FAM168A: variants seen among roughly 807,000 people sequenced by gnomAD.
FAM168A encodes protein FAM168A.
A neutral mutation model predicts 28.5 loss-of-function variants in FAM168A; 3 were observed. The ratio of observed to expected loss-of-function variants is 0.11; its 90% CI spans 0.05 to 0.27. The LOEUF is 0.27. Ranked by LOEUF, FAM168A falls within the 10% of genes least tolerant of loss-of-function variation. The pLI, the probability that FAM168A is intolerant of heterozygous loss-of-function variation, is 1.00. For missense variants in FAM168A, 222 were observed against 311.5 expected (o/e 0.71, Z 2.16); for synonymous variants, 122 against 124.2 (o/e 0.98, Z 0.12).
intron 1 of FAM168A, among the ~76,000 whole-genome samples, chr11:73,468,843 G>A (rs986106184): frequency 5.3e-5 from 8 of 152,178 alleles, no homozygotes; most frequent in African/African-American, 1.7e-4. Context: ...TCAATGTCCT[G>A]ATATAAAATG....
rs530480916 is a variant in FAM168A at position 73,548,462 on chromosome 11, C to G, written c.-19+49461G>C. 1.1e-4 allele frequency among the ~76,000 whole-genome samples: 17 copies of G among 152,216 alleles called. No homozygotes were observed. The South Asian group carries it at 3.5e-3, about 32-fold the overall frequency. On this transcript the variant is annotated intron_variant, in intron 1 of 7. Coordinates refer to ENST00000356467, the MANE Select transcript of FAM168A (RefSeq NM_015159.3). ...AAAAGTCAAATCACTTGCTCAAGAT[C>G]AAACAGCCAGGGGCTCCAAGACAGT...
intron 2 of FAM168A, among the ~76,000 whole-genome samples, chr11:73,446,441 T>C (rs1273259039): frequency 6.6e-6 from 1 of 151,998 alleles, no homozygotes; most frequent in Non-Finnish European, 1.5e-5. Flanking sequence ...GCCCAAGAAC[T>C]AGAAAAAAGA....
intron 1 of FAM168A, among the ~76,000 whole-genome samples, chr11:73,482,982 T>G (rs184953997): frequency 4.5e-4 from 69 of 152,220 alleles, no homozygotes; most frequent in African/African-American, 1.7e-3. Flanking sequence ...TCAGGTGATC[T>G]GCCCACCTCA....
intron 2 of FAM168A, among the ~76,000 whole-genome samples, chr11:73,436,268 GA>G (rs1867084347): frequency 6.6e-6 from 1 of 152,126 alleles, no homozygotes; most frequent in Non-Finnish European, 1.5e-5. Context: ...GATTAATATG[GA>G]AATTAGAAAT....
At chr11:73,554,022 T>A (rs1221422725) in intron 1 of FAM168A, among the ~76,000 whole-genome samples, 1 of 150,522 alleles carries the variant, frequency 6.6e-6, no homozygotes, top group Non-Finnish European at 1.5e-5. Flanking sequence ...AAAATAAAAA[T>A]AAATTATACC....
intron 1 of FAM168A, among the ~76,000 whole-genome samples, chr11:73,500,256 C>CTTTTT (rs57040993): frequency 2.4e-5 from 3 of 122,596 alleles, no homozygotes; most frequent in Non-Finnish European, 5.1e-5. Flanking sequence ...CCCAGAATTC[C>CTTTTT]TTTTTTTTTT....
At chr11:73,507,846 T>A (rs1703289868) in intron 1 of FAM168A, among the ~76,000 whole-genome samples, 1 of 152,040 alleles carries the variant, frequency 6.6e-6, no homozygotes, top group Non-Finnish European at 1.5e-5. Context: ...CAACTTTTCA[T>A]AATCAAGGTC....
At chr11:73,422,291 T>C (rs1033935666) in intron 3 of FAM168A, among the ~76,000 whole-genome samples, 1 of 152,258 alleles carries the variant, frequency 6.6e-6, no homozygotes, top group African/African-American at 2.4e-5. Flanking sequence ...CTATACTGTA[T>C]ATTTTTCTGA....
chr11:73,590,423 T>C (rs191832522), intron 1 of FAM168A, among the ~76,000 whole-genome samples: 1 of 152,170 alleles, frequency 6.6e-6, no homozygotes, highest in Non-Finnish European at 1.5e-5. Context: ...ACCAAAATGT[T>C]TGAGAAACTG....
intron 2 of FAM168A, among the ~76,000 whole-genome samples, chr11:73,455,678 A>C (rs1324978138): frequency 6.6e-6 from 1 of 152,238 alleles, no homozygotes; most frequent in Admixed American, 6.5e-5. Context: ...TAAAACTGGT[A>C]ATCTTGCAAT....
chr11:73,437,265 T>C (rs1041557449), intron 2 of FAM168A, among the ~76,000 whole-genome samples: 4 of 151,614 alleles, frequency 2.6e-5, no homozygotes, highest in African/African-American at 9.7e-5. Context: ...ACCTGGCTAA[T>C]TTTTGTATTC....
intron 5 of FAM168A, 68 bp downstream of exon 5, chr11:73,411,326 C>T: frequency 2.0e-6 from 3 of 1,504,654 alleles, no homozygotes; most frequent in Non-Finnish European, 2.7e-6. Context: ...CTCACCCTAC[C>T]CCACCACACT....
At chr11:73,596,671 A>G (rs891038186) in intron 1 of FAM168A, among the ~76,000 whole-genome samples, 1 of 151,766 alleles carries the variant, frequency 6.6e-6, no homozygotes, top group African/African-American at 2.4e-5. Context: ...CCAACCCTTA[A>G]CCCTCATGTG....
intron 5 of FAM168A, 111 bp downstream of exon 5, chr11:73,411,277 TAGCCAG>T: frequency 8.4e-7 from 1 of 1,188,446 alleles, no homozygotes; most frequent in Non-Finnish European, 1.2e-6. Flanking sequence ...CAAGGACGGC[TAGCCAG>T]AGCCACAAAC....
intron 1 of FAM168A, among the ~76,000 whole-genome samples, chr11:73,491,561 T>C (rs1347937557): frequency 2.0e-5 from 3 of 152,330 alleles, no homozygotes; most frequent in East Asian, 3.9e-4. Context: ...TTATGTAACA[T>C]ATTCAAGGAG....
chr11:73,414,587 G>C (rs960437205), intron 4 of FAM168A, among the ~76,000 whole-genome samples: 1 of 152,174 alleles, frequency 6.6e-6, no homozygotes, highest in Non-Finnish European at 1.5e-5. Context: ...GGATACATCA[G>C]TCTCGCGTGT....
In FAM168A at chr11:73,436,698, A is replaced by G. The variant is rs527389477; in HGVS notation, c.71-5928T>C. On this transcript the variant is annotated intron_variant, in intron 2 of 7. Coordinates refer to ENST00000356467, the MANE Select transcript of FAM168A (RefSeq NM_015159.3). The stretch of plus-strand genomic sequence containing the variant: ...TCCATTTTAGAGAGAGGATATTAAG[A>G]CTTCTCTTACAGAGCTAATAAGTAG... Among the ~76,000 whole-genome samples, 243 of 152,260 alleles carry G rather than the reference A, an allele frequency of 1.6e-3. 1 individual carries two copies. Among genetic ancestry groups the G allele is most frequent in the African/African-American group, 5.5e-3 (227 of 41,528 alleles).
chr11:73,557,833 A>G (rs1030668838), intron 1 of FAM168A, among the ~76,000 whole-genome samples: 3 of 152,232 alleles, frequency 2.0e-5, no homozygotes, highest in Non-Finnish European at 4.4e-5. Context: ...AGACCAATGG[A>G]ACAGAATCAC....
chr11:73,550,481 C>T (rs1943812001), intron 1 of FAM168A, among the ~76,000 whole-genome samples: 1 of 152,006 alleles, frequency 6.6e-6, no homozygotes, highest in South Asian at 2.1e-4. Flanking sequence ...ATGGCAAAAC[C>T]CTGTTTCTAT....
Sources: allele counts gnomAD v4.1 joint callset (sites outside exome capture counted in the v4.1 genomes callset), GRCh38; gene constraint gnomAD v4.1.1; transcripts MANE v1.5; gene names NCBI Gene and HGNC (gene_info 2026-07-23, HGNC 2026-07-21).